The following CELF4 variants were observed in gnomAD, a reference collection of about 807,000 sequenced individuals.
CELF4 encodes the protein CUGBP Elav-like family member 4.
A neutral mutation model predicts 59.9 loss-of-function variants in CELF4; 18 were observed. The observed-to-expected ratio is 0.30, with a 90% CI of 0.21 to 0.45. The LOEUF (loss-of-function observed/expected upper bound fraction) is 0.45. Among genes scored for constraint, CELF4 ranks in the 20% least tolerant of loss-of-function variants. CELF4 has a pLI of 1.00. For missense variants in CELF4, 456 were observed against 689.0 expected (o/e 0.66, Z 3.79); for synonymous variants, 261 against 267.1 (o/e 0.98, Z 0.22).
At chr18:37,528,740 A>T (rs1419287994) in intron 1 of CELF4, among the ~76,000 whole-genome samples, 1 of 152,148 alleles carries the variant, frequency 6.6e-6, no homozygotes, top group Admixed American at 6.6e-5. Flanking sequence ...ACTTCACTGT[A>T]TACCCCTTTG....
rs185240928 is a variant in CELF4 at position 37,527,760 on chromosome 18, T to C, written c.286+37596A>G. Among the ~76,000 whole-genome samples the C allele has an allele frequency of 7.2e-5, 11 of 152,304 alleles. No individual in the cohort carries two copies. The East Asian group carries it at 1.9e-3, about 27-fold the overall frequency. ...CAACCCCCTCTGTGCATTTTCCTCC[T>C]TTTTCCACACATGCTTTACCTCCTC... On this transcript the variant is annotated intron_variant, in intron 1 of 12. Coordinates refer to ENST00000420428, the MANE Select transcript of CELF4 (RefSeq NM_020180.4).
chr18:37,527,217 G>C (rs1436649697), intron 1 of CELF4, among the ~76,000 whole-genome samples: 1 of 151,806 alleles, frequency 6.6e-6, no homozygotes, highest in Non-Finnish European at 1.5e-5. Context: ...AAAAATACCA[G>C]CCGCACTCCC....
intron 1 of CELF4, among the ~76,000 whole-genome samples, chr18:37,564,931 T>A (rs1358764344): frequency 1.3e-5 from 2 of 152,120 alleles, no homozygotes; most frequent in Admixed American, 6.5e-5. Context: ...CCTCCTTTAG[T>A]ATTTTCAGCA....
At chr18:37,410,554 T>C (rs951822481) in intron 2 of CELF4, among the ~76,000 whole-genome samples, 4 of 152,264 alleles carry the variant, frequency 2.6e-5, no homozygotes, top group Non-Finnish European at 4.4e-5. Context: ...CTGCACACGC[T>C]GTGCCAGCCA....
At chr18:37,484,085 T>A (rs935781497) in intron 2 of CELF4, among the ~76,000 whole-genome samples, 2 of 152,108 alleles carry the variant, frequency 1.3e-5, no homozygotes, top group Admixed American at 6.5e-5. Context: ...TTAGCCACCA[T>A]GAAACTCCCT....
In CELF4 at chr18:37,245,263, A is replaced by G. The variant is rs2061609150; in HGVS notation, c.*45-66T>C. 6.6e-6 allele frequency: 1 copy of G among 152,164 alleles called. No homozygotes were observed. Among genetic ancestry groups the G allele is most frequent in the African/African-American group, 2.4e-5 (1 of 41,442 alleles). The allele number at this position is 152,164 out of a possible 1,614,324, so 9.4% of individuals were successfully genotyped here. A position where few individuals can be genotyped will look rare whatever the true frequency, so the allele number is the denominator to read the frequency against. On this transcript the variant is annotated intron_variant, in intron 12 of 12. Transcript: ENST00000420428. This position sits in a 1 kb window ranked among gnomAD's most constrained non-coding sequence, Gnocchi z 4.1. ...AAACACAAACAGCATCCAAACACCAATAGGAACCTGCCTCAGGGGCTAGGA... is the reference window on the plus strand; with the variant it reads ...AAACACAAACAGCATCCAAACACCAGTAGGAACCTGCCTCAGGGGCTAGGA...
intron 1 of CELF4, among the ~76,000 whole-genome samples, chr18:37,492,687 T>C (rs973544998): frequency 6.6e-6 from 1 of 152,178 alleles, no homozygotes; most frequent in African/African-American, 2.4e-5. Flanking sequence ...GGCTGGAGTC[T>C]ACACAGCCTT....
intron 1 of CELF4, among the ~76,000 whole-genome samples, chr18:37,548,154 G>C (rs574680431): frequency 6.6e-6 from 1 of 152,108 alleles, no homozygotes; most frequent in Non-Finnish European, 1.5e-5. Flanking sequence ...GTGTGTGTGT[G>C]TGTTTTTTCA....
chr18:37,558,928 C>T (rs979753447), intron 1 of CELF4, among the ~76,000 whole-genome samples: 3 of 151,778 alleles, frequency 2.0e-5, no homozygotes, highest in South Asian at 2.1e-4. Flanking sequence ...GCTGGCCACT[C>T]GGCCACTCAG....
intron 6 of CELF4, 42 bp from the exon 7 acceptor site, chr18:37,273,205 G>C (rs1315205254): frequency 6.3e-7 from 1 of 1,586,826 alleles, no homozygotes; most frequent in Non-Finnish European, 8.6e-7. Context: ...TGCTTCCAGG[G>C]GGCATCCCTC....
At chr18:37,479,801 C>T (rs1569569595) in intron 2 of CELF4, among the ~76,000 whole-genome samples, 1 of 152,180 alleles carries the variant, frequency 6.6e-6, no homozygotes, top group East Asian at 1.9e-4. Context: ...TGAAAGTGAC[C>T]TTCTTTGAAA....
chr18:37,253,687 C>A lies in CELF4; in HGVS notation c.*44+80G>T. The A allele has an allele frequency of 8.8e-7, 1 of 1,133,060 alleles. No individual in the cohort carries two copies. The highest frequency in any genetic ancestry group is 2.9e-5 in the East Asian group (1 of 34,210). 70.2% of individuals were successfully genotyped at this position (1,133,060 alleles called of 1,614,324 possible). Reference sequence around the variant, plus strand: ...TCCAAGGCACCAGTGAGGGTCCGGCCCACGGAGGCCGGAGGAGGCGGCGGG... The same window carrying A: ...TCCAAGGCACCAGTGAGGGTCCGGCACACGGAGGCCGGAGGAGGCGGCGGG... On this transcript the variant is annotated intron_variant, in intron 12 of 12. Coordinates refer to ENST00000420428, the MANE Select transcript of CELF4 (RefSeq NM_020180.4). This position sits in a 1 kb window ranked among gnomAD's most constrained non-coding sequence, Gnocchi z 4.5.
intron 3 of CELF4, among the ~76,000 whole-genome samples, chr18:37,310,139 C>A (rs535224610): frequency 1.3e-5 from 2 of 151,906 alleles, no homozygotes; most frequent in Admixed American, 6.6e-5. Context: ...CATAGTTCAC[C>A]AACTATGTTT....
chr18:37,277,995 A>C (rs888508823), intron 3 of CELF4, among the ~76,000 whole-genome samples: 2 of 152,200 alleles, frequency 1.3e-5, no homozygotes, highest in Non-Finnish European at 2.9e-5. Context: ...GTCTGAATGC[A>C]TTCCTTTATT....
At chr18:37,402,478 C>A (rs1487495196) in intron 2 of CELF4, among the ~76,000 whole-genome samples, 1 of 152,074 alleles carries the variant, frequency 6.6e-6, no homozygotes, top group Non-Finnish European at 1.5e-5. Context: ...CCTGGGTGGA[C>A]CCCCCTCTTC....
At chr18:37,496,041 G>A (rs559612560) in intron 1 of CELF4, among the ~76,000 whole-genome samples, 7 of 151,976 alleles carry the variant, frequency 4.6e-5, no homozygotes, top group Admixed American at 4.6e-4. Flanking sequence ...ATATCACTGT[G>A]GGCCTTTTCT....
At chr18:37,503,459 G>A (rs115682312) in intron 1 of CELF4, among the ~76,000 whole-genome samples, 2,455 of 152,290 alleles carry the variant, frequency 0.016, 75 homozygotes, top group African/African-American at 0.057. Context: ...ACCTTGCCCA[G>A]TCAGCAGAAG....
chr18:37,364,232 C>T (rs905946446), intron 2 of CELF4, among the ~76,000 whole-genome samples: 2 of 152,182 alleles, frequency 1.3e-5, no homozygotes, highest in African/African-American at 2.4e-5. Flanking sequence ...CTTCCTGCAC[C>T]CGTCTCTCCT....
chr18:37,390,236 C>T (rs1183629507), intron 2 of CELF4, among the ~76,000 whole-genome samples: 1 of 152,168 alleles, frequency 6.6e-6, no homozygotes, highest in Non-Finnish European at 1.5e-5. Context: ...AGTGTGGCTG[C>T]GTGTCGTGTC....
Sources: gnomAD v4.1 joint callset for allele counts (sites outside exome capture counted in the v4.1 genomes callset) on GRCh38, gnomAD v4.1.1 for gene constraint, Gnocchi (gnomAD v3.1) non-coding constraint, MANE v1.5 for transcripts, NCBI Gene and HGNC (gene_info 2026-07-23, HGNC 2026-07-21) for gene names.